The following SMG6 variants were observed in gnomAD, a reference collection of about 807,000 sequenced individuals.
SMG6 encodes SMG6 nonsense mediated mRNA decay factor, also known as telomerase-binding protein EST1A.
SMG6 carries 66 observed loss-of-function variants against 142.2 expected under a neutral mutation model. That is an observed-to-expected ratio of 0.46 (90% CI 0.38 to 0.57). The LOEUF is 0.57. Among genes scored for constraint, SMG6 ranks in the 20% least tolerant of loss-of-function variants. SMG6 has a pLI of 0.00. For synonymous variants in SMG6, 779 were observed against 702.4 expected (o/e 1.11, Z -1.72); for missense variants, 1,793 against 1,832.0 (o/e 0.98, Z 0.39).
intron 13 of SMG6, among the ~76,000 whole-genome samples, chr17:2,170,282 G>C (rs139723133): frequency 6.6e-6 from 1 of 152,096 alleles, no homozygotes; most frequent in African/African-American, 2.4e-5. Context: ...TGTTCTCCTC[G>C]AGCCAAAACA....
chr17:2,273,654 T>C (rs2074587786), intron 8 of SMG6, among the ~76,000 whole-genome samples: 1 of 150,988 alleles, frequency 6.6e-6, no homozygotes, highest in African/African-American at 2.4e-5. Flanking sequence ...AATAAATAAA[T>C]ATTAGCCAGG....
chr17:2,280,868 C>T (rs1240058802), intron 8 of SMG6, among the ~76,000 whole-genome samples: 1 of 152,068 alleles, frequency 6.6e-6, no homozygotes, highest in African/African-American at 2.4e-5. Flanking sequence ...CTGCTTGAGG[C>T]CAGGAGTTTG....
At chr17:2,194,086 C>T (rs2072245460) in intron 10 of SMG6, among the ~76,000 whole-genome samples, 1 of 152,158 alleles carries the variant, frequency 6.6e-6, no homozygotes, top group Non-Finnish European at 1.5e-5. Context: ...CCACCATGCT[C>T]GGCCAGAAGA....
intron 8 of SMG6, among the ~76,000 whole-genome samples, chr17:2,280,247 T>G (rs1048943418): frequency 6.6e-6 from 1 of 152,054 alleles, no homozygotes; most frequent in African/African-American, 2.4e-5. Flanking sequence ...AATGAAAAGT[T>G]ATGAAACTGC....
intron 10 of SMG6, among the ~76,000 whole-genome samples, chr17:2,190,794 T>C (rs2072137108): frequency 6.6e-6 from 1 of 152,136 alleles, no homozygotes; most frequent in South Asian, 2.1e-4. Context: ...CAACTCCCCA[T>C]CCCCTAACCC....
At chr17:2,228,507 G>C (rs1247549292) in intron 10 of SMG6, among the ~76,000 whole-genome samples, 1 of 152,142 alleles carries the variant, frequency 6.6e-6, no homozygotes, top group Non-Finnish European at 1.5e-5. Flanking sequence ...GACTACAGGC[G>C]TGAGCCATCG....
intron 8 of SMG6, among the ~76,000 whole-genome samples, chr17:2,256,976 T>TATG (rs1567723629): frequency 2.0e-5 from 3 of 148,388 alleles, no homozygotes; most frequent in East Asian, 2.3e-4. Context: ...ATGTATGTAT[T>TATG]TATTTATTTA....
rs2075205930 is a variant in SMG6 at position 2,298,920 on chromosome 17, C to T, written c.1833G>A (p.Lys611=). The T allele has an allele frequency of 6.2e-7, 1 of 1,613,386 alleles. No individual in the cohort carries two copies. Among genetic ancestry groups the T allele is most frequent in the Middle Eastern group, 1.7e-4 (1 of 6,056 alleles). The change falls in exon 2 of 19, where the codon AAG becomes AAA. Residue 611 remains lysine (K), a synonymous_variant. Coordinates refer to ENST00000263073, the MANE Select transcript of SMG6 (RefSeq NM_017575.5). ...CCACATCATACCTGAGTTGCGCCAT[C>T]TTCTCCAGGCCCTCCGGACTGATGC... ...RDRISPEGLE[K]MAQLRAELLQ...
chr17:2,094,319 C>G (rs2068800939), intron 13 of SMG6, among the ~76,000 whole-genome samples: 1 of 152,096 alleles, frequency 6.6e-6, no homozygotes, highest in Non-Finnish European at 1.5e-5. Context: ...GGCGAGATAT[C>G]AGCTCACTGC....
At chr17:2,190,897 A>C (rs1171870841) in intron 10 of SMG6, among the ~76,000 whole-genome samples, 1 of 152,192 alleles carries the variant, frequency 6.6e-6, no homozygotes, top group Non-Finnish European at 1.5e-5. Context: ...TGCTGTAATC[A>C]AGCAGGTGGA....
intron 13 of SMG6, among the ~76,000 whole-genome samples, chr17:2,167,158 A>C (rs1415581552): frequency 7.4e-6 from 1 of 134,908 alleles, no homozygotes; most frequent in Non-Finnish European, 1.6e-5. Flanking sequence ...AAAAAAAAAG[A>C]TATAAAGGGA....
chr17:2,169,693 C>G (rs1324246694), intron 13 of SMG6, among the ~76,000 whole-genome samples: 1 of 152,120 alleles, frequency 6.6e-6, no homozygotes, highest in African/African-American at 2.4e-5. Flanking sequence ...GACCTGAGGT[C>G]AGAGAGCTTG....
chr17:2,267,464 C>T (rs527317821), intron 8 of SMG6, among the ~76,000 whole-genome samples: 13 of 152,038 alleles, frequency 8.6e-5, no homozygotes, highest in Non-Finnish European at 1.9e-4. Context: ...TCCCAATGTG[C>T]CGGGATTATA....
chr17:2,134,419 C>CAAAAAAAA lies in SMG6; in HGVS notation c.3357+38231_3357+38238dup, dbSNP rs58429166. Reference sequence around the variant, plus strand: ...GGGCGATAAGAGCGAGACTCCATCTCAAAAAAAAAAAAAAAAAAAAAAAAA... The same window carrying CAAAAAAAA: ...GGGCGATAAGAGCGAGACTCCATCTCAAAAAAAAAAAAAAAAAAAAAAAAAAAAAAAAA... On this transcript the variant is annotated intron_variant, in intron 13 of 18. Coordinates refer to ENST00000263073, the MANE Select transcript of SMG6 (RefSeq NM_017575.5). 1.1e-3 allele frequency among the ~76,000 whole-genome samples: 31 copies of CAAAAAAAA among 28,712 alleles called. 2 individuals carry two copies. The highest frequency in any genetic ancestry group is 1.7e-3 in the African/African-American group (10 of 5,884). The allele number at this position is 28,712 out of a possible 152,430, so 18.8% of individuals were successfully genotyped here.
At chr17:2,141,422 A>T (rs1432611596) in intron 13 of SMG6, among the ~76,000 whole-genome samples, 1 of 152,206 alleles carries the variant, frequency 6.6e-6, no homozygotes, top group East Asian at 1.9e-4. Flanking sequence ...ACAGGAAGGC[A>T]GGCTGTGTTC....
rs757778410 is a variant in SMG6, at chr17:2,299,498, C to A, written c.1255G>T (p.Val419Phe). The change falls in exon 2 of 19, where the codon GTC becomes TTC. Residue 419 changes from valine to phenylalanine, a missense_variant. Around this residue, in one of 3 missense-constraint regions of SMG6, gnomAD observed 1,597 missense variants for 1,584.6 expected, o/e 1.01. Coordinates refer to ENST00000263073, the MANE Select transcript of SMG6 (RefSeq NM_017575.5). This position sits in a 1 kb window ranked among gnomAD's most constrained non-coding sequence, Gnocchi z 4.3. ...LILPAHTTLS[V>F]NSAGSPESAP... ...GACTCTGGAGAACCTGCTGAATTGACAGATAGGGTGGTATGGGCAGGCAAA... is the reference window on the plus strand; with the variant it reads ...GACTCTGGAGAACCTGCTGAATTGAAAGATAGGGTGGTATGGGCAGGCAAA... The A allele has an allele frequency of 3.7e-5, 60 of 1,614,040 alleles. No individual in the cohort carries two copies. The highest frequency in any genetic ancestry group is 4.8e-5 in the Non-Finnish European group (57 of 1,180,038).
intron 10 of SMG6, among the ~76,000 whole-genome samples, chr17:2,224,952 TGTA>T (rs1393261930): frequency 3.9e-5 from 6 of 152,138 alleles, no homozygotes; most frequent in African/African-American, 1.4e-4. Flanking sequence ...AGCCCAAAGA[TGTA>T]GTAACCTATC....
At chr17:2,176,617 G>A (rs930681978) in intron 12 of SMG6, among the ~76,000 whole-genome samples, 1 of 152,174 alleles carries the variant, frequency 6.6e-6, no homozygotes, top group African/African-American at 2.4e-5. Context: ...TGTGTCCAAT[G>A]AGCCTGCTTA....
At chr17:2,088,641 C>T (rs1401081098) in intron 13 of SMG6, 1 of 985,312 alleles carries the variant, frequency 1.0e-6, no homozygotes, top group Non-Finnish European at 1.2e-6. Context: ...GAAGAGTACC[C>T]TGTCCTTTGC....
Sources: gnomAD v4.1 joint callset for allele counts (sites outside exome capture counted in the v4.1 genomes callset) on GRCh38, gnomAD v4.1.1 for gene constraint, gnomAD v4.1.1 regional missense constraint, Gnocchi (gnomAD v3.1) non-coding constraint, MANE v1.5 for transcripts, NCBI Gene and HGNC (gene_info 2026-07-23, HGNC 2026-07-21) for gene names.